Variants in ERC1 observed in about 807,000 individuals in gnomAD.
ERC1 encodes the protein RAB6 interacting protein 2.
ERC1 carries 56 observed loss-of-function variants against 132.0 expected under a neutral mutation model. The observed-to-expected ratio is 0.42, with a 90% CI of 0.34 to 0.53. ERC1 has a LOEUF of 0.53. ERC1 is among the 20% of genes least tolerant of loss of function. ERC1 has a pLI of 0.03. For synonymous variants in ERC1, 478 were observed against 476.1 expected (o/e 1.00, Z -0.05); for missense variants, 1,202 against 1,349.9 (o/e 0.89, Z 1.72).
At chr12:1,152,922 A>G (rs1490705809) in intron 8 of ERC1, 2 of 152,672 alleles carry the variant, frequency 1.3e-5, no homozygotes, top group African/African-American at 2.4e-5. Flanking sequence ...TGTCAGTGCG[A>G]TGATGGAAAG....
chr12:1,180,209 A>G (rs972000737), intron 8 of ERC1, among the ~76,000 whole-genome samples: 18 of 151,774 alleles, frequency 1.2e-4, no homozygotes, highest in Non-Finnish European at 1.0e-4. Context: ...GGCCATCTCT[A>G]TACTGGATCT....
chr12:1,426,168 A>G (rs1051966036), intron 17 of ERC1, among the ~76,000 whole-genome samples: 2 of 145,446 alleles, frequency 1.4e-5, no homozygotes, highest in African/African-American at 5.2e-5. Context: ...CAATGGTGCG[A>G]TCTCTGCTCA....
At chr12:1,248,282 A>G (rs958810257) in intron 13 of ERC1, among the ~76,000 whole-genome samples, 2 of 152,240 alleles carry the variant, frequency 1.3e-5, no homozygotes, top group Non-Finnish European at 2.9e-5. Context: ...GTGAAAAGAC[A>G]TGTTCTCCGC....
In ERC1 at chr12:1,183,391, G is replaced by A. The variant is rs748780432; in HGVS notation, c.2127G>A (p.Glu709=). ...TTGCTTTGGAGCAGAAGAAGGAGGA[G>A]TGTCTGAAAATGGAATCACAATTGA... ...LEIALEQKKE[E]CLKMESQLKK... is the part of the protein sequence containing the mutation. Residue 709 remains glutamate (E), a synonymous_variant, in exon 11 of 19, where the codon GAG becomes GAA. Coordinates refer to ENST00000360905, the MANE Select transcript of ERC1 (RefSeq NM_178040.4). 1.3e-6 allele frequency: 2 copies of A among 1,583,290 alleles called. No homozygotes were observed. The highest frequency in any genetic ancestry group is 1.3e-5 in the African/African-American group (1 of 74,398).
intron 13 of ERC1, among the ~76,000 whole-genome samples, chr12:1,243,237 T>TA (rs1323226461): frequency 1.3e-5 from 2 of 152,098 alleles, no homozygotes; most frequent in East Asian, 3.9e-4. Flanking sequence ...AGAGATGATT[T>TA]AAAATATATG....
chr12:1,019,101 A>G (rs149450709), intron 1 of ERC1, among the ~76,000 whole-genome samples: 1 of 152,268 alleles, frequency 6.6e-6, no homozygotes, highest in East Asian at 1.9e-4. Flanking sequence ...AAAATCTCAT[A>G]TGCACTACCA....
chr12:1,331,043 T>C (rs1308616717), intron 15 of ERC1, among the ~76,000 whole-genome samples: 4 of 152,224 alleles, frequency 2.6e-5, no homozygotes, highest in African/African-American at 7.2e-5. Flanking sequence ...TGAAAGAATA[T>C]GTGTACTGTC....
intron 8 of ERC1, among the ~76,000 whole-genome samples, chr12:1,174,090 G>T (rs1384707485): frequency 1.3e-5 from 2 of 152,206 alleles, no homozygotes; most frequent in Non-Finnish European, 2.9e-5. Flanking sequence ...CATTCAGTGG[G>T]GCTCAGCTGT....
chr12:1,225,453 C>A (rs61911967), intron 12 of ERC1, among the ~76,000 whole-genome samples: 10,419 of 77,514 alleles, frequency 0.13, 387 homozygotes, highest in Middle Eastern at 0.24. Context: ...GTCTCTTACA[C>A]ACACACACAC....
chr12:1,208,559 G>T (rs1213306571), intron 12 of ERC1, among the ~76,000 whole-genome samples: 1 of 152,094 alleles, frequency 6.6e-6, no homozygotes, highest in Non-Finnish European at 1.5e-5. Flanking sequence ...GATCCTTGGA[G>T]CATGGGGGTG....
intron 7 of ERC1, among the ~76,000 whole-genome samples, chr12:1,116,361 C>G (rs962739208): frequency 5.9e-5 from 9 of 152,196 alleles, no homozygotes; most frequent in African/African-American, 2.2e-4. Context: ...AGTTCAACCC[C>G]TGGTGAATTT....
intron 2 of ERC1, among the ~76,000 whole-genome samples, chr12:1,080,705 G>A (rs886930038): frequency 1.3e-5 from 2 of 151,986 alleles, no homozygotes; most frequent in Non-Finnish European, 2.9e-5. Context: ...TCTTGCTGCC[G>A]CCATGTAAGA....
At chr12:1,115,612 G>A (rs1388027273) in intron 6 of ERC1, 7 of 356,082 alleles carry the variant, frequency 2.0e-5, no homozygotes, top group Admixed American at 8.6e-5. Context: ...TTTCTAAGAG[G>A]TTTCAAAGAA....
At chr12:1,489,095 C>T (rs572016893) in intron 18 of ERC1, among the ~76,000 whole-genome samples, 35 of 152,326 alleles carry the variant, frequency 2.3e-4, no homozygotes, top group South Asian at 1.0e-3. Flanking sequence ...GTCTGGCCCT[C>T]GCGTGTGTTT....
chr12:1,323,664 C>CT (rs1254902510), intron 15 of ERC1, among the ~76,000 whole-genome samples: 1 of 152,096 alleles, frequency 6.6e-6, no homozygotes, highest in Non-Finnish European at 1.5e-5. Context: ...GTTTTTTTCT[C>CT]TGAGTATGGG....
chr12:1,393,288 G>T (rs918870081), intron 16 of ERC1, among the ~76,000 whole-genome samples: 1 of 152,192 alleles, frequency 6.6e-6, no homozygotes, highest in African/African-American at 2.4e-5. Flanking sequence ...AACACTTTGG[G>T]AAACTGAAAG....
At chr12:1,481,867 G>T (rs1451382560) in intron 18 of ERC1, among the ~76,000 whole-genome samples, 1 of 151,848 alleles carries the variant, frequency 6.6e-6, no homozygotes, top group Non-Finnish European at 1.5e-5. Context: ...ACACCCTCCT[G>T]GCATGTGTAG....
At chr12:1,398,254 A>G (rs1275411960) in intron 16 of ERC1, among the ~76,000 whole-genome samples, 1 of 152,028 alleles carries the variant, frequency 6.6e-6, no homozygotes, top group Non-Finnish European at 1.5e-5. Flanking sequence ...AAAGTGCTGG[A>G]ATTGTAGACG....
rs546085872 is a variant in ERC1 at position 1,137,284 on chromosome 12, A to T, written c.1570-4336A>T. Among the ~76,000 whole-genome samples, 213 of 150,240 alleles carry T rather than the reference A, an allele frequency of 1.4e-3. 1 individual carries two copies. Among genetic ancestry groups the T allele is most frequent in the Non-Finnish European group, 1.1e-3 (72 of 67,494 alleles). ...AAGCTAATTTTTGTATTTTTAGTAG[A>T]GATGGGGTTTCACCATGTTGGCCAG... On this transcript the variant is annotated intron_variant, in intron 7 of 18. Transcript: ENST00000360905.
Sources: allele counts gnomAD v4.1 joint callset (sites outside exome capture counted in the v4.1 genomes callset), GRCh38; gene constraint gnomAD v4.1.1; transcripts MANE v1.5; gene names NCBI Gene and HGNC (gene_info 2026-07-23, HGNC 2026-07-21).